Variants in SH3RF1 observed in about 807,000 individuals in gnomAD.
SH3RF1 encodes E3 ubiquitin-protein ligase SH3RF1.
SH3RF1 carries 32 observed loss-of-function variants against 74.0 expected under a neutral mutation model. The ratio of observed to expected loss-of-function variants is 0.43; its 90% CI spans 0.33 to 0.58. SH3RF1 has a LOEUF of 0.58. Ranked by LOEUF, SH3RF1 falls within the 20% of genes least tolerant of loss-of-function variation. The pLI is 0.05. For synonymous variants in SH3RF1, 396 were observed against 439.6 expected (o/e 0.90, Z 1.24); for missense variants, 954 against 1,130.9 (o/e 0.84, Z 2.24).
At chr4:169,152,256 A>G (rs1033925930) in intron 4 of SH3RF1, among the ~76,000 whole-genome samples, 1 of 152,170 alleles carries the variant, frequency 6.6e-6, no homozygotes, top group Non-Finnish European at 1.5e-5. Context: ...GGGAAGGGTG[A>G]ATGTGATCAA....
At chr4:169,152,239 T>G (rs530536097) in intron 4 of SH3RF1, among the ~76,000 whole-genome samples, 1 of 152,198 alleles carries the variant, frequency 6.6e-6, no homozygotes, top group Admixed American at 6.5e-5. Flanking sequence ...TGAAAGAATC[T>G]CCGGAGGGGA....
intron 2 of SH3RF1, among the ~76,000 whole-genome samples, chr4:169,216,794 T>C (rs1048830586): frequency 7.9e-5 from 12 of 152,150 alleles, no homozygotes; most frequent in Admixed American, 2.6e-4. Context: ...TTATAACTTA[T>C]AATAAAGCAA....
chr4:169,208,516 TAATAATA>T (rs1211196011), intron 2 of SH3RF1, among the ~76,000 whole-genome samples: 6 of 152,198 alleles, frequency 3.9e-5, no homozygotes, highest in African/African-American at 1.2e-4. Context: ...GTGTATGATA[TAATAATA>T]AATAATTGTT....
At chr4:169,214,629 T>C (rs978456660) in intron 2 of SH3RF1, among the ~76,000 whole-genome samples, 1 of 152,240 alleles carries the variant, frequency 6.6e-6, no homozygotes, top group African/African-American at 2.4e-5. Flanking sequence ...CTTGCACAGA[T>C]ATTGCATGTT....
intron 2 of SH3RF1, among the ~76,000 whole-genome samples, chr4:169,164,182 C>A (rs1734194490): frequency 6.6e-6 from 1 of 152,176 alleles, no homozygotes; most frequent in Admixed American, 6.5e-5. Context: ...TAGACTGTAA[C>A]CTCCTGGAGA....
chr4:169,233,406 ATAATT>A (rs1457840783), intron 2 of SH3RF1, among the ~76,000 whole-genome samples: 1 of 152,216 alleles, frequency 6.6e-6, no homozygotes, highest in African/African-American at 2.4e-5. Flanking sequence ...TTAGAATAAA[ATAATT>A]TAAAACTAAA....
chr4:169,140,799 T>C (rs932979386), intron 4 of SH3RF1, among the ~76,000 whole-genome samples: 1 of 152,146 alleles, frequency 6.6e-6, no homozygotes, highest in Non-Finnish European at 1.5e-5. Flanking sequence ...GCTTTACAGA[T>C]GAATCAGTCT....
At chr4:169,190,389 C>T (rs1734680853) in intron 2 of SH3RF1, among the ~76,000 whole-genome samples, 1 of 151,982 alleles carries the variant, frequency 6.6e-6, no homozygotes, top group South Asian at 2.1e-4. Context: ...AAACGAGAGA[C>T]ATTACAACTG....
intron 4 of SH3RF1, among the ~76,000 whole-genome samples, chr4:169,142,570 CT>C (rs1239918841): frequency 5.3e-5 from 8 of 152,192 alleles, no homozygotes; most frequent in Admixed American, 5.2e-4. Context: ...GCATTTAGCA[CT>C]TTGTTTTTCC....
intron 7 of SH3RF1, 132 bp from the exon 8 acceptor site, chr4:169,121,121 T>G (rs1733429670): frequency 1.2e-5 from 9 of 722,642 alleles, no homozygotes; most frequent in African/African-American, 1.8e-5. Context: ...CTTTAATCTA[T>G]AAGTAGCACT....
chr4:169,206,581 A>C (rs1730268120), intron 2 of SH3RF1, among the ~76,000 whole-genome samples: 1 of 152,248 alleles, frequency 6.6e-6, no homozygotes, highest in Admixed American at 6.5e-5. Context: ...AGTGAAGTCA[A>C]GAAACATTTG....
chr4:169,198,619 T>C (rs1412454447), intron 2 of SH3RF1, among the ~76,000 whole-genome samples: 1 of 152,162 alleles, frequency 6.6e-6, no homozygotes, highest in Non-Finnish European at 1.5e-5. Flanking sequence ...TTAGAGCATC[T>C]AATTTGTATA....
chr4:169,142,441 A>G (rs1007632831), intron 4 of SH3RF1, among the ~76,000 whole-genome samples: 1 of 152,200 alleles, frequency 6.6e-6, no homozygotes, highest in Admixed American at 6.5e-5. Flanking sequence ...GTTTTAAATA[A>G]GAAACCTACA....
chr4:169,239,599 T>C (rs984850056), intron 2 of SH3RF1, among the ~76,000 whole-genome samples: 2 of 152,242 alleles, frequency 1.3e-5, no homozygotes, highest in Admixed American at 1.3e-4. Context: ...ATTCTACCTT[T>C]AGCAATGGTT....
At chr4:169,098,496 T>A (rs1335021986) in intron 11 of SH3RF1, among the ~76,000 whole-genome samples, 2 of 152,144 alleles carry the variant, frequency 1.3e-5, no homozygotes, top group Non-Finnish European at 2.9e-5. Context: ...CCCAGACTAT[T>A]ACACTAAAAA....
chr4:169,197,247 G>A (rs1016704319), intron 2 of SH3RF1, among the ~76,000 whole-genome samples: 1 of 151,956 alleles, frequency 6.6e-6, no homozygotes, highest in Admixed American at 6.6e-5. Context: ...GGTGATCCAC[G>A]TGCCTCAGCC....
chr4:169,106,262 G>A (rs1165778054), intron 11 of SH3RF1, among the ~76,000 whole-genome samples: 5 of 151,752 alleles, frequency 3.3e-5, no homozygotes, highest in African/African-American at 1.2e-4. Context: ...ACAGGGACTC[G>A]CCACCACGTC....
At chr4:169,194,899 C>A (rs891923050) in intron 2 of SH3RF1, among the ~76,000 whole-genome samples, 2 of 152,140 alleles carry the variant, frequency 1.3e-5, no homozygotes, top group African/African-American at 2.4e-5. Flanking sequence ...CATTGAGCAC[C>A]TTTTCAAAAG....
rs1473367998 is a variant in SH3RF1 at position 169,159,908 on chromosome 4, T to C, written c.394-3229A>G. ...CTGAAGCACACATTTGTTTTCTGAG[T>C]AGAATCCATTCATCTTCTGGTTGAA... On this transcript the variant is annotated intron_variant, in intron 2 of 11. Coordinates refer to ENST00000284637, the MANE Select transcript of SH3RF1 (RefSeq NM_020870.4). 2.6e-5 allele frequency among the ~76,000 whole-genome samples: 4 copies of C among 152,326 alleles called. No individual in the cohort carries two copies. In the South Asian group the frequency reaches 6.2e-4, roughly 24 times the overall value.
Sources: gnomAD v4.1 joint callset for allele counts (sites outside exome capture counted in the v4.1 genomes callset) on GRCh38, gnomAD v4.1.1 for gene constraint, MANE v1.5 for transcripts, NCBI Gene and HGNC (gene_info 2026-07-23, HGNC 2026-07-21) for gene names.